DUSP4: variants seen among roughly 807,000 people sequenced by gnomAD.
The protein encoded by DUSP4 is dual specificity phosphatase 4.
A neutral mutation model predicts 27.2 loss-of-function variants in DUSP4; 12 were observed. The observed-to-expected ratio is 0.44, with a 90% CI of 0.28 to 0.71. The LOEUF (loss-of-function observed/expected upper bound fraction) is 0.71. Ranked by LOEUF, DUSP4 falls within the 30% of genes least tolerant of loss-of-function variation. The pLI, the probability that DUSP4 is intolerant of heterozygous loss-of-function variation, is 0.14. For missense variants in DUSP4, 448 were observed against 551.3 expected, an observed-to-expected ratio of 0.81 and a Z score of 1.88; for synonymous variants, 257 against 245.2, an observed-to-expected ratio of 1.05 and a Z score of -0.45.
chr8:29,348,206 G>A (rs1327115877), intron 1 of DUSP4: 1 of 985,646 alleles, frequency 1.0e-6, no homozygotes, highest in Middle Eastern at 5.2e-4. Flanking sequence ...GGGACTCGAG[G>A]GCAGCGCCGT....
chr8:29,349,757 G>C, intron 1 of DUSP4, 89 bp downstream of exon 1: 2 of 1,379,224 alleles, frequency 1.5e-6, no homozygotes, highest in South Asian at 3.3e-5. Flanking sequence ...GAATCACGCC[G>C]GGGACTCCTT....
chr8:29,340,863 C>T (rs1471600754), intron 1 of DUSP4, among the ~76,000 whole-genome samples: 1 of 152,124 alleles, frequency 6.6e-6, no homozygotes. Flanking sequence ...TATTTCCTGA[C>T]CTGAGAGTGG....
rs532726008 is a variant in DUSP4, at chr8:29,349,187, C to T, written c.433+659G>A. 1.2e-4 allele frequency among the ~76,000 whole-genome samples: 18 copies of T among 152,360 alleles called. No homozygotes were observed. In the East Asian group the frequency reaches 3.1e-3, roughly 26 times the overall value. ...CTAGAGGACCGGTTCCGCCCGGCGT[C>T]CCCCAGATACCCAGTCCTTCAGCCT... On this transcript the variant is annotated intron_variant, in intron 1 of 3. Transcript: ENST00000240100.
chr8:29,339,045 T>G (rs911456764), intron 2 of DUSP4, among the ~76,000 whole-genome samples: 3 of 152,130 alleles, frequency 2.0e-5, no homozygotes, highest in African/African-American at 7.2e-5. Flanking sequence ...GAAGCTGGCA[T>G]GATGGTGCAC....
intron 1 of DUSP4, among the ~76,000 whole-genome samples, chr8:29,340,498 A>G (rs949534362): frequency 6.6e-6 from 1 of 152,208 alleles, no homozygotes; most frequent in Non-Finnish European, 1.5e-5. Flanking sequence ...TTAGAGAGGT[A>G]GACATACAAA....
intron 1 of DUSP4, chr8:29,348,888 G>C (rs991846687): frequency 5.8e-6 from 4 of 685,672 alleles, no homozygotes; most frequent in Middle Eastern, 7.1e-4. Context: ...GCAGCGCGGC[G>C]GGGGGCGCCC....
chr8:29,335,587 A>C lies in DUSP4; in HGVS notation c.*1439T>G, dbSNP rs530905358. 6.6e-6 allele frequency: 1 copy of C among 152,370 alleles called. No individual in the cohort carries two copies. The highest frequency in any genetic ancestry group is 1.5e-5 in the Non-Finnish European group (1 of 68,032). 9.4% of individuals were successfully genotyped at this position (152,370 alleles called of 1,614,324 possible). On this transcript the variant is annotated 3_prime_UTR_variant, in exon 4 of 4. Transcript: ENST00000240100. ...TCACCTAACTAGGAATTTAAAGAACACAAGAAATTGTTGGTATATTTCACT... is the reference window on the plus strand; with the variant it reads ...TCACCTAACTAGGAATTTAAAGAACCCAAGAAATTGTTGGTATATTTCACT...
chr8:29,345,016 A>AT (rs1161624083), intron 1 of DUSP4, among the ~76,000 whole-genome samples: 1 of 151,930 alleles, frequency 6.6e-6, no homozygotes, highest in South Asian at 2.1e-4. Context: ...TAATTTTTGC[A>AT]TTTTTTGTAG....
At chr8:29,343,840 T>C (rs1240171934) in intron 1 of DUSP4, among the ~76,000 whole-genome samples, 1 of 152,184 alleles carries the variant, frequency 6.6e-6, no homozygotes, top group African/African-American at 2.4e-5. Context: ...TAAATTAAAA[T>C]GTGTTTCTTA....
chr8:29,350,463 G>C lies in DUSP4; in HGVS notation c.-185C>G. 1.4e-6 allele frequency: 1 copy of C among 740,446 alleles called. No homozygotes were observed. The highest frequency in any genetic ancestry group is 2.1e-6 in the Non-Finnish European group (1 of 481,998). The allele number at this position is 740,446 out of a possible 1,614,324, so 45.9% of individuals were successfully genotyped here. ...TGTCCCCTTCCTCCCGCAGCCTCGC[G>C]GTCACATAGCAGTCGGAGCGGCCTC... On this transcript the variant is annotated 5_prime_UTR_variant, in exon 1 of 4. Transcript: ENST00000240100.
rs1206416075 is a variant in DUSP4 at position 29,335,029 on chromosome 8, G to A, written c.*1997C>T. 2.6e-5 allele frequency: 4 copies of A among 152,116 alleles called. No homozygotes were observed. The highest frequency in any genetic ancestry group is 9.7e-5 in the African/African-American group (4 of 41,402). 9.4% of individuals were successfully genotyped at this position (152,116 alleles called of 1,614,324 possible). A position where few individuals can be genotyped will look rare whatever the true frequency, so the allele number is the denominator to read the frequency against. On this transcript the variant is annotated 3_prime_UTR_variant, in exon 4 of 4. Coordinates refer to ENST00000240100, the MANE Select transcript of DUSP4 (RefSeq NM_001394.7). ...TATCCCAACGTGACGGTGACATTGA[G>A]GCTTGACGTTATTTATGGGTGAGCA...
chr8:29,349,615 C>A (rs918224912), intron 1 of DUSP4, among the ~76,000 whole-genome samples: 6 of 152,230 alleles, frequency 3.9e-5, no homozygotes, highest in Non-Finnish European at 5.9e-5. Flanking sequence ...TAGGACGGTG[C>A]GGAATTGCAG....
At chr8:29,345,466 T>G in intron 1 of DUSP4, 1 of 1,613,630 alleles carries the variant, frequency 6.2e-7, no homozygotes, top group South Asian at 1.1e-5. Flanking sequence ...TCTCTCCCAG[T>G]CCTCCTGGGC....
At chr8:29,340,008 AAAAC>A in intron 2 of DUSP4, 86 bp downstream of exon 2, 1 of 1,473,504 alleles carries the variant, frequency 6.8e-7, no homozygotes, top group Non-Finnish European at 9.1e-7. Flanking sequence ...GCAAAGACAA[AAAAC>A]ACCGTCAGAA....
At chr8:29,348,694 C>G in intron 1 of DUSP4, 2 of 985,188 alleles carry the variant, frequency 2.0e-6, no homozygotes. Flanking sequence ...CCCTTCCTCC[C>G]GGGTGGACAG....
rs1817594530 is a variant in DUSP4 at position 29,337,403 on chromosome 8, TCACGG to T, written c.803_807del (p.Ala268GlufsTer42). The T allele has an allele frequency of 6.2e-7, 1 of 1,603,692 alleles. No individual in the cohort carries two copies. Among genetic ancestry groups the T allele is most frequent in the Non-Finnish European group, 8.5e-7 (1 of 1,177,694 alleles). ...ACCAGCACGCGCCCACGGCAGTCCT[TCACGG>T]CATCTGGGGACAGGGTTCAATAGGT... On this transcript the variant is annotated frameshift_variant, in exon 4 of 4. Coordinates refer to ENST00000240100, the MANE Select transcript of DUSP4 (RefSeq NM_001394.7). LOFTEE classifies it high-confidence loss of function. The surrounding 1 kb of genome is among the most constrained non-coding windows in gnomAD (Gnocchi z 6.4).
chr8:29,348,304 G>C, intron 1 of DUSP4: 1 of 985,578 alleles, frequency 1.0e-6, no homozygotes, highest in Non-Finnish European at 1.2e-6. Context: ...GCGCCGACAA[G>C]CTCAAACAAT....
chr8:29,343,713 T>C (rs866658098), intron 1 of DUSP4, among the ~76,000 whole-genome samples: 1 of 152,218 alleles, frequency 6.6e-6, no homozygotes, highest in African/African-American at 2.4e-5. Context: ...ATGACCCACA[T>C]TTTTAAAATG....
rs370543902 is a variant in DUSP4, at chr8:29,340,259, A to C, written c.434-16T>G. 6.2e-5 allele frequency: 100 copies of C among 1,600,820 alleles called. No individual in the cohort carries two copies. Among genetic ancestry groups the C allele is most frequent in the African/African-American group, 1.3e-4 (10 of 74,236 alleles). ...TCATAGCCGCCTGTAAAGGAGAAAG[A>C]AGCTCAGGTTAATGGGGTCACTAAG... On this transcript the variant is annotated splice_polypyrimidine_tract_variant and intron_variant, in intron 1 of 3. Coordinates refer to ENST00000240100, the MANE Select transcript of DUSP4 (RefSeq NM_001394.7).
Sources: allele counts gnomAD v4.1 joint callset (sites outside exome capture counted in the v4.1 genomes callset), GRCh38; gene constraint gnomAD v4.1.1; non-coding constraint Gnocchi (gnomAD v3.1); transcripts MANE v1.5; gene names NCBI Gene and HGNC (gene_info 2026-07-23, HGNC 2026-07-21).